The following UBE2R2 variants were observed in gnomAD, a reference collection of about 807,000 sequenced individuals.
UBE2R2 encodes ubiquitin conjugating enzyme E2 R2, also known as ubiquitin-conjugating enzyme E2 R2.
UBE2R2 carries 1 observed loss-of-function variant against 27.8 expected under a neutral mutation model. The ratio of observed to expected loss-of-function variants is 0.04; its 90% confidence interval spans 0.01 to 0.17. The LOEUF is 0.17. Among genes scored for constraint, UBE2R2 ranks in the 10% least tolerant of loss-of-function variants. UBE2R2 has a pLI of 1.00. For missense variants in UBE2R2, 100 were observed against 291.0 expected (o/e 0.34, Z 4.78); for synonymous variants, 106 against 113.3 (o/e 0.94, Z 0.41).
At chr9:33,884,842 AAAT>A (rs1222546714) in intron 1 of UBE2R2, among the ~76,000 whole-genome samples, 4 of 152,130 alleles carry the variant, frequency 2.6e-5, no homozygotes, top group African/African-American at 9.7e-5. Flanking sequence ...CTAGAAATTT[AAAT>A]AATATACAGT....
At chr9:33,832,054 A>G (rs1820500269) in intron 1 of UBE2R2, among the ~76,000 whole-genome samples, 1 of 151,192 alleles carries the variant, frequency 6.6e-6, no homozygotes, top group Non-Finnish European at 1.5e-5. Flanking sequence ...CATGCCTGTA[A>G]TCCCAGCACT....
chr9:33,919,325 A>G lies in UBE2R2; in HGVS notation c.*2088A>G, dbSNP rs1587490188. The G allele has an allele frequency of 6.6e-6, 1 of 151,980 alleles. No individual in the cohort carries two copies. Among genetic ancestry groups the G allele is most frequent in the Non-Finnish European group, 1.5e-5 (1 of 68,028 alleles). 9.4% of individuals were successfully genotyped at this position (151,980 alleles called of 1,614,324 possible). ...TGCCCCCAAACCCCCATGCAAGTTTACAGCCAGTAGCTTGGTCTTATTCTC... is the reference window on the plus strand; with the variant it reads ...TGCCCCCAAACCCCCATGCAAGTTTGCAGCCAGTAGCTTGGTCTTATTCTC... On this transcript the variant is annotated 3_prime_UTR_variant, in exon 5 of 5. Transcript: ENST00000263228.
intron 1 of UBE2R2, among the ~76,000 whole-genome samples, chr9:33,836,169 G>A (rs566852187): frequency 6.6e-6 from 1 of 152,102 alleles, no homozygotes; most frequent in African/African-American, 2.4e-5. Flanking sequence ...AGCTGGGCGT[G>A]GTGGGAGGCG....
At chr9:33,878,077 C>A (rs12352121) in intron 1 of UBE2R2, among the ~76,000 whole-genome samples, 1 of 152,044 alleles carries the variant, frequency 6.6e-6, no homozygotes, top group Admixed American at 6.6e-5. Context: ...ATTTTTATAT[C>A]TTTTATTTGT....
intron 1 of UBE2R2, among the ~76,000 whole-genome samples, chr9:33,836,566 G>C (rs1040045766): frequency 1.3e-5 from 2 of 152,106 alleles, no homozygotes; most frequent in African/African-American, 4.8e-5. Flanking sequence ...GAGCATCCTG[G>C]CCAACATGGC....
intron 1 of UBE2R2, among the ~76,000 whole-genome samples, chr9:33,869,237 C>T (rs951332979): frequency 6.6e-6 from 1 of 152,098 alleles, no homozygotes; most frequent in Non-Finnish European, 1.5e-5. Context: ...CCACTGTACT[C>T]CCGCCAGGGC....
At chr9:33,853,432 T>C (rs775043336) in intron 1 of UBE2R2, among the ~76,000 whole-genome samples, 14 of 151,792 alleles carry the variant, frequency 9.2e-5, no homozygotes, top group Admixed American at 2.6e-4. Context: ...GATTATGGCA[T>C]GCACCACCAT....
intron 1 of UBE2R2, among the ~76,000 whole-genome samples, chr9:33,873,450 T>C (rs1821531785): frequency 6.6e-6 from 1 of 152,122 alleles, no homozygotes; most frequent in Non-Finnish European, 1.5e-5. Flanking sequence ...ATAACTTGAA[T>C]AAAAGGTTAC....
intron 1 of UBE2R2, among the ~76,000 whole-genome samples, chr9:33,858,159 A>G (rs1447063543): frequency 6.6e-6 from 1 of 152,204 alleles, no homozygotes; most frequent in Non-Finnish European, 1.5e-5. Context: ...GATGTAAATA[A>G]CAATTCTCTT....
intron 1 of UBE2R2, among the ~76,000 whole-genome samples, chr9:33,820,021 A>G (rs1330436544): frequency 6.6e-6 from 1 of 152,252 alleles, no homozygotes; most frequent in Non-Finnish European, 1.5e-5. Flanking sequence ...AAAAAGTGTC[A>G]TTGTTTGGTA....
chr9:33,854,390 G>A (rs1330117200), intron 1 of UBE2R2, among the ~76,000 whole-genome samples: 3 of 151,780 alleles, frequency 2.0e-5, no homozygotes, highest in Non-Finnish European at 2.9e-5. Context: ...TACAATCTCA[G>A]CTCACTGCAA....
intron 1 of UBE2R2, among the ~76,000 whole-genome samples, chr9:33,875,846 CCTT>C (rs1405114035): frequency 2.1e-4 from 32 of 152,104 alleles, no homozygotes; most frequent in African/African-American, 7.2e-4. Flanking sequence ...TAGTACCTTC[CCTT>C]CTTCTTTTAA....
At chr9:33,840,301 ACT>A (rs1791542120) in intron 1 of UBE2R2, among the ~76,000 whole-genome samples, 1 of 151,470 alleles carries the variant, frequency 6.6e-6, no homozygotes, top group South Asian at 2.1e-4. Context: ...CCACTACTTC[ACT>A]CTCTCTCAGT....
intron 2 of UBE2R2, among the ~76,000 whole-genome samples, chr9:33,893,899 G>A (rs1484243732): frequency 6.6e-6 from 1 of 152,136 alleles, no homozygotes; most frequent in African/African-American, 2.4e-5. Context: ...CCCAAATGCT[G>A]GGATTACAGG....
At chr9:33,820,644 CTTAT>C (rs1825965244) in intron 1 of UBE2R2, among the ~76,000 whole-genome samples, 1 of 152,222 alleles carries the variant, frequency 6.6e-6, no homozygotes, top group South Asian at 2.1e-4. Flanking sequence ...ACTCTTCTCC[CTTAT>C]TAAATGTTAG....
chr9:33,836,753 A>G (rs1769724), intron 1 of UBE2R2, among the ~76,000 whole-genome samples: 92,614 of 150,768 alleles, frequency 0.61, 28,516 homozygotes, highest in East Asian at 0.77. Flanking sequence ...CAAGACTCTT[A>G]TCTCAAAAAA....
intron 1 of UBE2R2, among the ~76,000 whole-genome samples, chr9:33,841,689 A>C (rs1237637157): frequency 6.6e-6 from 1 of 152,062 alleles, no homozygotes; most frequent in Non-Finnish European, 1.5e-5. Flanking sequence ...TTTTTATAAA[A>C]CTTAACCACT....
chr9:33,898,054 C>T (rs1045648192), intron 2 of UBE2R2, among the ~76,000 whole-genome samples: 5 of 151,874 alleles, frequency 3.3e-5, no homozygotes, highest in Non-Finnish European at 4.4e-5. Context: ...AGGTTACAGG[C>T]GTGAGCCACC....
intron 1 of UBE2R2, among the ~76,000 whole-genome samples, chr9:33,849,212 T>C (rs1037058291): frequency 5.9e-5 from 9 of 151,950 alleles, no homozygotes; most frequent in African/African-American, 2.2e-4. Flanking sequence ...AGCCGAGATC[T>C]CGCCATTGCA....
Sources: allele counts gnomAD v4.1 joint callset (sites outside exome capture counted in the v4.1 genomes callset), GRCh38; gene constraint gnomAD v4.1.1; transcripts MANE v1.5; gene names NCBI Gene and HGNC (gene_info 2026-07-23, HGNC 2026-07-21).